The following NUP62 variants were observed in gnomAD, a reference collection of about 807,000 sequenced individuals.
The protein encoded by NUP62 is nucleoporin 62, also known as nuclear pore glycoprotein p62.
For synonymous variants in NUP62, 305 were observed against 303.4 expected (o/e 1.01, Z -0.05); for missense variants, 647 against 689.4 (o/e 0.94, Z 0.69).
intron 2 of NUP62, among the ~76,000 whole-genome samples, chr19:49,925,210 G>C (rs1040275747): frequency 6.6e-6 from 1 of 151,998 alleles, no homozygotes; most frequent in Admixed American, 6.6e-5. Context: ...GCGGTGAGCC[G>C]AGATGGCACC....
At chr19:49,914,103 C>T (rs1037932498) in intron 2 of NUP62, among the ~76,000 whole-genome samples, 1 of 152,164 alleles carries the variant, frequency 6.6e-6, no homozygotes, top group African/African-American at 2.4e-5. Context: ...AATCCCAGTA[C>T]TTTCGGAGGC....
At chr19:49,926,588 C>T (rs762144104) in intron 2 of NUP62, among the ~76,000 whole-genome samples, 16 of 152,270 alleles carry the variant, frequency 1.1e-4, no homozygotes, top group Non-Finnish European at 2.4e-4. Context: ...AGAAGATCTT[C>T]GTAGGAAAAG....
intron 2 of NUP62, among the ~76,000 whole-genome samples, chr19:49,911,527 A>G (rs775175262): frequency 2.0e-5 from 3 of 152,032 alleles, no homozygotes; most frequent in Non-Finnish European, 4.4e-5. Context: ...AGCTTGAGTA[A>G]GAGGCAACCT....
rs1055845473 is a variant in NUP62, at chr19:49,927,689, T to G, written c.-78+5A>C. The G allele has an allele frequency of 2.6e-5, 4 of 152,254 alleles. No homozygotes were observed. The highest frequency in any genetic ancestry group is 5.9e-5 in the Non-Finnish European group (4 of 68,048). The allele number at this position is 152,254 out of a possible 1,614,324, so 9.4% of individuals were successfully genotyped here. On this transcript the variant is annotated splice_donor_5th_base_variant and intron_variant, in intron 2 of 2. Coordinates refer to ENST00000352066, the MANE Select transcript of NUP62 (RefSeq NM_016553.5). ...GTAAGGAAGGAGAAAGAAGCTTGTGTGTACCGCTCAGTATCAGGATTCCTC... is the reference window on the plus strand; with the variant it reads ...GTAAGGAAGGAGAAAGAAGCTTGTGGGTACCGCTCAGTATCAGGATTCCTC...
Position 49,908,277 on chromosome 19 carries a change from T to G in NUP62, c.1531A>C (p.Lys511Gln), listed in dbSNP as rs754639486. 1 of 1,613,854 alleles carries G rather than the reference T, an allele frequency of 6.2e-7. No homozygotes were observed. Among genetic ancestry groups the G allele is most frequent in the Non-Finnish European group, 8.5e-7 (1 of 1,180,028 alleles). The part of the protein sequence containing the change: ...EVTKVCEGRR[K>Q]EQERSFRITF... ...ATCCGGAAGCTGCGCTCCTGCTCCT[T>G]GCGCCGGCCCTCGCACACCTTGGTC... The change falls in exon 3 of 3, where the codon AAG becomes CAG. Residue 511 changes from lysine to glutamine, a missense_variant. Transcript: ENST00000352066.
chr19:49,919,632 C>T (rs1184329288), intron 2 of NUP62, among the ~76,000 whole-genome samples: 1 of 152,208 alleles, frequency 6.6e-6, no homozygotes, highest in African/African-American at 2.4e-5. Flanking sequence ...TTAGCAGCTA[C>T]TTTCTCCTTC....
rs2075392558 is a variant in NUP62, at chr19:49,909,057, C to G, written c.751G>C (p.Ala251Pro). Residue 251 changes from alanine to proline, a missense_variant, in exon 3 of 3, where the codon GCT (alanine) becomes CCT (proline). Ala to Pro is a conservative substitution (Grantham distance 27). Coordinates refer to ENST00000352066, the MANE Select transcript of NUP62 (RefSeq NM_016553.5). ...TPVTTAGAPTAGTQGFSLKAP... is the reference protein window; with the variant it reads ...TPVTTAGAPTPGTQGFSLKAP... Reference sequence around the variant, plus strand: ...TTTAAGCTGAAGCCCTGTGTCCCAGCAGTGGGGGCGCCCGCTGTGGTCACA... The same window carrying G: ...TTTAAGCTGAAGCCCTGTGTCCCAGGAGTGGGGGCGCCCGCTGTGGTCACA... The G allele has an allele frequency of 6.8e-6, 11 of 1,612,946 alleles. No individual in the cohort carries two copies. Among genetic ancestry groups the G allele is most frequent in the Non-Finnish European group, 9.3e-6 (11 of 1,180,026 alleles).
At chr19:49,919,911 T>C (rs138673545) in intron 2 of NUP62, among the ~76,000 whole-genome samples, 198 of 152,280 alleles carry the variant, frequency 1.3e-3, no homozygotes, top group African/African-American at 4.1e-3. Context: ...TTTTCCCCTC[T>C]ACCTACTGCA....
Position 49,921,824 on chromosome 19 carries a change from G to A in NUP62, c.-78+5870C>T, listed in dbSNP as rs572315403. Among the ~76,000 whole-genome samples the A allele has an allele frequency of 9.2e-5, 14 of 152,280 alleles. No individual in the cohort carries two copies. The highest frequency in any genetic ancestry group is 3.1e-4 in the African/African-American group (13 of 41,558). On this transcript the variant is annotated intron_variant, in intron 2 of 2. Transcript: ENST00000352066. This position sits in a 1 kb window ranked among gnomAD's most constrained non-coding sequence, Gnocchi z 5.4. ...GGCTCAAGCCCGGGTACTTTCCTCCGTGCCCAAGCAACCCTGTAGGAACCA... is the reference window on the plus strand; with the variant it reads ...GGCTCAAGCCCGGGTACTTTCCTCCATGCCCAAGCAACCCTGTAGGAACCA...
intron 2 of NUP62, among the ~76,000 whole-genome samples, chr19:49,923,558 G>A (rs1016206324): frequency 6.6e-6 from 1 of 152,180 alleles, no homozygotes; most frequent in African/African-American, 2.4e-5. Flanking sequence ...ACACAGACCC[G>A]GGCTCTGGCA....
chr19:49,914,008 T>A (rs1178563406), intron 2 of NUP62, among the ~76,000 whole-genome samples: 1 of 152,050 alleles, frequency 6.6e-6, no homozygotes, highest in African/African-American at 2.4e-5. Context: ...GCATCACAAT[T>A]TGAGCAAAGT....
At position 49,907,829 on chromosome 19, in the gene NUP62, C is replaced by T. The variant is rs374146319; in HGVS notation, c.*410G>A. 2 of 332,410 alleles carry T rather than the reference C, an allele frequency of 6.0e-6. No homozygotes were observed. Among genetic ancestry groups the T allele is most frequent in the African/African-American group, 4.3e-5 (2 of 46,072 alleles). The allele number at this position is 332,410 out of a possible 1,614,324, so 20.6% of individuals were successfully genotyped here. A position where few individuals can be genotyped will look rare whatever the true frequency, so the allele number is the denominator to read the frequency against. The stretch of plus-strand genomic sequence containing the variant: ...GAGATTACAGGGGTGAGCCACTGCG[C>T]CCTGACTTGGAGGTTCTCTTACATT... On this transcript the variant is annotated 3_prime_UTR_variant, in exon 3 of 3. Transcript: ENST00000352066.
chr19:49,909,055 A>G lies in NUP62; in HGVS notation c.753T>C (p.Ala251=), dbSNP rs763809969. 3 of 1,612,980 alleles carry G rather than the reference A, an allele frequency of 1.9e-6. No homozygotes were observed. The African/African-American group carries it at 4.0e-5, about 22-fold the overall frequency. The stretch of plus-strand genomic sequence containing the variant: ...CCTTTAAGCTGAAGCCCTGTGTCCC[A>G]GCAGTGGGGGCGCCCGCTGTGGTCA... ...TPVTTAGAPT[A]GTQGFSLKAP... Residue 251 remains alanine, a synonymous_variant, in exon 3 of 3, where the codon GCT becomes GCC. Coordinates refer to ENST00000352066, the MANE Select transcript of NUP62 (RefSeq NM_016553.5).
chr19:49,923,712 C>T (rs191670541), intron 2 of NUP62, among the ~76,000 whole-genome samples: 2 of 152,358 alleles, frequency 1.3e-5, no homozygotes, highest in East Asian at 3.9e-4. Flanking sequence ...TCAAAACCAC[C>T]GTCTGCAATG....
At position 49,911,119 on chromosome 19, in the gene NUP62, C is replaced by A. The variant is rs3745491; in HGVS notation, c.-77-1235G>T. On this transcript the variant is annotated intron_variant, in intron 2 of 2. Transcript: ENST00000352066. ...TGGGATCTCACTCTGTTGCCCTGGT[C>A]TTCAACTCCTGGGCTCAAGCGATCC... 8 of 152,364 alleles carry A rather than the reference C, an allele frequency of 5.3e-5. No homozygotes were observed. The East Asian group carries it at 1.5e-3, about 29-fold the overall frequency. 9.4% of individuals were successfully genotyped at this position (152,364 alleles called of 1,614,324 possible).
Position 49,909,221 on chromosome 19 carries a change from G to C in NUP62, c.587C>G (p.Ala196Gly). The C allele has an allele frequency of 6.2e-7, 1 of 1,614,094 alleles. No homozygotes were observed. The highest frequency in any genetic ancestry group is 8.5e-7 in the Non-Finnish European group (1 of 1,179,978). ...CTGTGTGGCACCTGCTGTGGTGGCT[G>C]CTGGCGTGGCCGGAGTGAAGGGCAA... ...ATLPFTPATP[A>G]ATTAGATQPA... The change falls in exon 3 of 3, where the codon GCA becomes GGA. Residue 196 changes from alanine to glycine, a missense_variant. Transcript: ENST00000352066.
In NUP62 at chr19:49,908,213, C is replaced by G; in HGVS notation, c.*26G>C. The G allele has an allele frequency of 1.2e-6, 2 of 1,610,380 alleles. No homozygotes were observed. The highest frequency in any genetic ancestry group is 1.7e-6 in the Non-Finnish European group (2 of 1,179,708). Reference sequence around the variant, plus strand: ...ATTCCCCTCATGAACTCCCTAGGGACCTGCGGGCCCCAGGGCTGCTGTCGC... The same window carrying G: ...ATTCCCCTCATGAACTCCCTAGGGAGCTGCGGGCCCCAGGGCTGCTGTCGC... On this transcript the variant is annotated 3_prime_UTR_variant, in exon 3 of 3. Transcript: ENST00000352066.
At chr19:49,926,486 T>C (rs1028155398) in intron 2 of NUP62, among the ~76,000 whole-genome samples, 1 of 152,226 alleles carries the variant, frequency 6.6e-6, no homozygotes, top group East Asian at 1.9e-4. Context: ...GCCAAGATCA[T>C]GCCACTGCAC....
intron 2 of NUP62, among the ~76,000 whole-genome samples, chr19:49,922,917 C>T (rs1308720000): frequency 6.6e-6 from 1 of 152,164 alleles, no homozygotes. Flanking sequence ...CCTGCCCCTC[C>T]ACACTGCCCC....
Sources: allele counts gnomAD v4.1 joint callset (sites outside exome capture counted in the v4.1 genomes callset), GRCh38; gene constraint gnomAD v4.1.1; non-coding constraint Gnocchi (gnomAD v3.1); transcripts MANE v1.5; gene names NCBI Gene and HGNC (gene_info 2026-07-23, HGNC 2026-07-21).